The following PRKCH variants were observed in gnomAD, a reference collection of about 807,000 sequenced individuals.
PRKCH encodes protein kinase C eta type.
In PRKCH, 28 loss-of-function variants were observed where a neutral mutation model predicts 82.5. The ratio of observed to expected loss-of-function variants is 0.34; its 90% confidence interval spans 0.25 to 0.47. PRKCH has a LOEUF of 0.47. Among genes scored for constraint, PRKCH ranks in the 20% least tolerant of loss-of-function variants. The pLI is 1.00. For missense variants in PRKCH, 705 were observed against 881.8 expected, an observed-to-expected ratio of 0.80 and a Z score of 2.54; for synonymous variants, 322 against 327.4, an observed-to-expected ratio of 0.98 and a Z score of 0.18.
intron 1 of PRKCH, among the ~76,000 whole-genome samples, chr14:61,292,457 G>A (rs992973180): frequency 2.0e-5 from 3 of 152,068 alleles, no homozygotes; most frequent in Non-Finnish European, 4.4e-5. Context: ...ACTCCAGCCT[G>A]GGCAGTGAGA....
intron 2 of PRKCH, among the ~76,000 whole-genome samples, chr14:61,426,687 G>C (rs1223422728): frequency 6.6e-6 from 1 of 152,148 alleles, no homozygotes; most frequent in African/African-American, 2.4e-5. Context: ...ACATTAGAAG[G>C]CTATAGCTTA....
At chr14:61,477,823 G>A (rs1885794837) in intron 9 of PRKCH, among the ~76,000 whole-genome samples, 1 of 152,204 alleles carries the variant, frequency 6.6e-6, no homozygotes, top group Non-Finnish European at 1.5e-5. Context: ...GCTGGGCTAG[G>A]ACTCCTTCCA....
intron 1 of PRKCH, among the ~76,000 whole-genome samples, chr14:61,354,361 C>T (rs140038611): frequency 1.4e-4 from 22 of 151,904 alleles, no homozygotes; most frequent in Admixed American, 1.4e-3. Flanking sequence ...ATATTTCAGT[C>T]ACTGGTTTAC....
At chr14:61,252,313 G>A (rs949803034) in intron 1 of PRKCH, among the ~76,000 whole-genome samples, 3 of 152,168 alleles carry the variant, frequency 2.0e-5, no homozygotes, top group Non-Finnish European at 2.9e-5. Context: ...TTGCTCTGTG[G>A]GGAGGAAGGA....
chr14:61,210,105 C>T (rs1354889940), intron 1 of PRKCH, among the ~76,000 whole-genome samples: 1 of 105,136 alleles, frequency 9.5e-6, no homozygotes, highest in African/African-American at 3.9e-5. Context: ...AACAAACAAA[C>T]AAACAAATAT....
intron 1 of PRKCH, among the ~76,000 whole-genome samples, chr14:61,283,247 A>G (rs546538996): frequency 1.3e-5 from 2 of 152,344 alleles, no homozygotes; most frequent in South Asian, 2.1e-4. Context: ...TCTTGAGCTC[A>G]GAGCCTTTCC....
chr14:61,225,154 G>A (rs2044687509), intron 1 of PRKCH, among the ~76,000 whole-genome samples: 1 of 152,200 alleles, frequency 6.6e-6, no homozygotes, highest in Non-Finnish European at 1.5e-5. Flanking sequence ...GTTGGAATTT[G>A]TTTTGATCTG....
intron 9 of PRKCH, among the ~76,000 whole-genome samples, chr14:61,483,909 C>A (rs974473032): frequency 6.6e-6 from 1 of 152,070 alleles, no homozygotes. Context: ...GGTGTGGTGG[C>A]GCACGCCTGT....
chr14:61,188,450 C>T (rs1462957840), intron 1 of PRKCH, among the ~76,000 whole-genome samples: 1 of 150,298 alleles, frequency 6.7e-6, no homozygotes, highest in Non-Finnish European at 1.5e-5. Context: ...CCGGGTCGGG[C>T]TCCCAGGCAG....
At chr14:61,232,517 G>T (rs914322057) in intron 1 of PRKCH, among the ~76,000 whole-genome samples, 1 of 152,188 alleles carries the variant, frequency 6.6e-6, no homozygotes, top group Non-Finnish European at 1.5e-5. Context: ...CACCGTGCCC[G>T]GCCAGGATAT....
intron 1 of PRKCH, among the ~76,000 whole-genome samples, chr14:61,339,937 G>A (rs748652120): frequency 2.0e-5 from 3 of 151,862 alleles, no homozygotes; most frequent in Non-Finnish European, 2.9e-5. Context: ...CTCTTGACTT[G>A]GCCTCCCAAA....
At chr14:61,536,926 T>C (rs1208124954) in intron 12 of PRKCH, among the ~76,000 whole-genome samples, 1 of 152,176 alleles carries the variant, frequency 6.6e-6, no homozygotes, top group Non-Finnish European at 1.5e-5. Context: ...TTCAAACATT[T>C]CCTATAGACG....
intron 1 of PRKCH, among the ~76,000 whole-genome samples, chr14:61,276,111 G>T (rs2045199253): frequency 6.6e-6 from 1 of 152,118 alleles, no homozygotes; most frequent in South Asian, 2.1e-4. Context: ...CTGCTCTTAT[G>T]TAAGAATCTC....
intron 12 of PRKCH, among the ~76,000 whole-genome samples, chr14:61,535,764 A>T (rs1218391829): frequency 6.6e-6 from 1 of 152,256 alleles, no homozygotes; most frequent in African/African-American, 2.4e-5. Context: ...GTGGACCAAC[A>T]GACTGGAGTA....
At chr14:61,383,025 G>A (rs1315469787) in intron 1 of PRKCH, among the ~76,000 whole-genome samples, 1 of 152,170 alleles carries the variant, frequency 6.6e-6, no homozygotes, top group Non-Finnish European at 1.5e-5. Flanking sequence ...AGTGATATAA[G>A]TACTTGCCTA....
chr14:61,188,297 C>A (rs544135204), intron 1 of PRKCH, among the ~76,000 whole-genome samples: 67 of 152,284 alleles, frequency 4.4e-4, no homozygotes, highest in African/African-American at 1.6e-3. Flanking sequence ...CTTTCTGTGC[C>A]TGTCAAGGCA....
intron 1 of PRKCH, among the ~76,000 whole-genome samples, chr14:61,245,273 T>C (rs947117473): frequency 8.5e-5 from 13 of 152,198 alleles, no homozygotes; most frequent in African/African-American, 7.2e-5. Flanking sequence ...CCCCAGCAGA[T>C]AGGCAATCAG....
chr14:61,349,255 C>T (rs1196938002), intron 1 of PRKCH, among the ~76,000 whole-genome samples: 1 of 152,184 alleles, frequency 6.6e-6, no homozygotes, highest in African/African-American at 2.4e-5. Flanking sequence ...GACTTGATGA[C>T]AGATCTTCCA....
At chr14:61,233,620 C>CATGAGGGAAGTAAT (rs2044762556) in intron 1 of PRKCH, among the ~76,000 whole-genome samples, 3 of 152,212 alleles carry the variant, frequency 2.0e-5, no homozygotes, top group Non-Finnish European at 4.4e-5. Flanking sequence ...GTGGGAGACA[C>CATGAGGGAAGTAAT]CTGCTGGGAA....
Sources: gnomAD v4.1 joint callset for allele counts (sites outside exome capture counted in the v4.1 genomes callset) on GRCh38, gnomAD v4.1.1 for gene constraint, MANE v1.5 for transcripts, NCBI Gene and HGNC (gene_info 2026-07-23, HGNC 2026-07-21) for gene names.